Variants in CSMD1 observed in about 807,000 individuals in gnomAD.
CSMD1 encodes the protein CUB and sushi domain-containing protein 1.
In CSMD1, 213 loss-of-function variants were observed where a neutral mutation model predicts 417.5. The observed-to-expected ratio is 0.51, with a 90% CI of 0.46 to 0.57. The LOEUF (loss-of-function observed/expected upper bound fraction) is 0.57, where lower values mean the gene tolerates loss of function less well. Ranked by LOEUF, CSMD1 falls within the 20% of genes least tolerant of loss-of-function variation. The pLI, the probability that CSMD1 is intolerant of heterozygous loss-of-function variation, is 0.00. For synonymous variants in CSMD1, 2,862 were observed against 1,736.8 expected (o/e 1.65, Z -16.11); for missense variants, 6,923 against 4,529.7 (o/e 1.53, Z -15.17).
chr8:4,814,027 A>G (rs1799062036), intron 1 of CSMD1, among the ~76,000 whole-genome samples: 1 of 152,262 alleles, frequency 6.6e-6, no homozygotes, highest in African/African-American at 2.4e-5. Context: ...GCTTCATCAC[A>G]TTTAAAGGAG....
chr8:4,522,338 C>G (rs1000181932), intron 2 of CSMD1, among the ~76,000 whole-genome samples: 4 of 152,156 alleles, frequency 2.6e-5, no homozygotes, highest in Non-Finnish European at 5.9e-5. Flanking sequence ...TCTAATCAAG[C>G]CTCTTGCTTT....
chr8:4,363,479 C>T (rs755452551), intron 3 of CSMD1, among the ~76,000 whole-genome samples: 3 of 152,128 alleles, frequency 2.0e-5, no homozygotes, highest in South Asian at 4.1e-4. Context: ...ACCACCCCCT[C>T]TCTGGAGGAG....
intron 2 of CSMD1, among the ~76,000 whole-genome samples, chr8:4,630,619 C>T (rs991521445): frequency 6.6e-6 from 1 of 152,126 alleles, no homozygotes; most frequent in Non-Finnish European, 1.5e-5. Flanking sequence ...ATTTCATCAT[C>T]CTAAAATCTG....
intron 3 of CSMD1, among the ~76,000 whole-genome samples, chr8:4,335,115 T>G (rs4875094): frequency 0.066 from 10,103 of 152,150 alleles, 380 homozygotes; most frequent in Middle Eastern, 0.15. Flanking sequence ...TTGCCCAGAT[T>G]GATCTTCAAC....
intron 2 of CSMD1, among the ~76,000 whole-genome samples, chr8:4,597,286 T>C (rs1190791734): frequency 6.6e-6 from 1 of 152,136 alleles, no homozygotes; most frequent in Non-Finnish European, 1.5e-5. Flanking sequence ...GAAATAGATA[T>C]CAATGTATTA....
chr8:4,420,201 AT>A (rs1563155002), intron 2 of CSMD1, 136 bp from the exon 3 acceptor site: 2 of 539,004 alleles, frequency 3.7e-6, no homozygotes, highest in African/African-American at 1.9e-5. Flanking sequence ...TAGATAATCC[AT>A]ACACATAGCT....
At chr8:3,545,328 C>T (rs895477827) in intron 10 of CSMD1, among the ~76,000 whole-genome samples, 1 of 152,216 alleles carries the variant, frequency 6.6e-6, no homozygotes, top group Non-Finnish European at 1.5e-5. Context: ...TATAGTACTA[C>T]ATAAACTGGT....
Position 3,000,883 on chromosome 8 carries a change from A to G in CSMD1, c.8030-752T>C, listed in dbSNP as rs367615924. The stretch of plus-strand genomic sequence containing the variant: ...GGGGAGACAGAATGTCCATGTAGAT[A>G]GTAAAACAATTGACAAACATGGCAT... On this transcript the variant is annotated intron_variant, in intron 52 of 69. Transcript: ENST00000635120. Among the ~76,000 whole-genome samples the G allele has an allele frequency of 1.4e-3, 217 of 152,344 alleles. 2 individuals are homozygous for G. Among genetic ancestry groups the G allele is most frequent in the African/African-American group, 5.0e-3 (207 of 41,580 alleles).
chr8:4,117,956 A>C (rs1802255328), intron 3 of CSMD1, among the ~76,000 whole-genome samples: 1 of 151,808 alleles, frequency 6.6e-6, no homozygotes, highest in South Asian at 2.1e-4. Flanking sequence ...AATAGGAAAA[A>C]AAAAAAAAGC....
chr8:4,334,039 C>T (rs993959443), intron 3 of CSMD1, among the ~76,000 whole-genome samples: 1 of 151,980 alleles, frequency 6.6e-6, no homozygotes, highest in Non-Finnish European at 1.5e-5. Flanking sequence ...CACAGGCACC[C>T]ACCACAACAT....
chr8:3,990,956 T>A (rs1400572113), intron 5 of CSMD1, among the ~76,000 whole-genome samples: 2 of 152,292 alleles, frequency 1.3e-5, no homozygotes, highest in East Asian at 3.9e-4. Context: ...AGATGATGCT[T>A]TTCAGAAGGA....
intron 12 of CSMD1, among the ~76,000 whole-genome samples, chr8:3,460,225 A>C (rs1383040084): frequency 6.6e-6 from 1 of 152,164 alleles, no homozygotes; most frequent in African/African-American, 2.4e-5. Context: ...AGATCAGCAA[A>C]TGATCTACAT....
At chr8:4,233,789 G>C (rs1714681) in intron 3 of CSMD1, among the ~76,000 whole-genome samples, 5,157 of 152,172 alleles carry the variant, frequency 0.034, 88 homozygotes, top group Middle Eastern at 0.1. Flanking sequence ...AAGAAGTAGA[G>C]TATCTTTAGG....
chr8:3,432,072 G>C (rs984434044), intron 12 of CSMD1, among the ~76,000 whole-genome samples: 4 of 152,106 alleles, frequency 2.6e-5, no homozygotes, highest in South Asian at 2.1e-4. Flanking sequence ...CATAATAATA[G>C]GGTCTGAGGA....
intron 5 of CSMD1, among the ~76,000 whole-genome samples, chr8:3,770,281 A>G (rs769160072): frequency 1.3e-5 from 2 of 151,810 alleles, no homozygotes; most frequent in Non-Finnish European, 2.9e-5. Flanking sequence ...TAATCCCAAC[A>G]CTTTGGGAGG....
At chr8:3,217,056 A>T (rs1797923687) in intron 29 of CSMD1, among the ~76,000 whole-genome samples, 1 of 152,184 alleles carries the variant, frequency 6.6e-6, no homozygotes, top group Non-Finnish European at 1.5e-5. Flanking sequence ...CCTAGGCTGC[A>T]TGCAATGACA....
At chr8:3,242,135 G>C (rs1353051185) in intron 26 of CSMD1, among the ~76,000 whole-genome samples, 3 of 151,694 alleles carry the variant, frequency 2.0e-5, no homozygotes, top group Non-Finnish European at 2.9e-5. Flanking sequence ...TTTAGCTCCA[G>C]CCACCTTTTA....
At chr8:3,340,936 G>A (rs1187830189) in intron 23 of CSMD1, among the ~76,000 whole-genome samples, 2 of 152,256 alleles carry the variant, frequency 1.3e-5, no homozygotes, top group East Asian at 1.9e-4. Flanking sequence ...AGAGCTAAGT[G>A]CCAATCCTCT....
intron 3 of CSMD1, among the ~76,000 whole-genome samples, chr8:4,342,202 T>C (rs1800515303): frequency 9.5e-5 from 1 of 10,522 alleles, no homozygotes; most frequent in African/African-American, 3.7e-4. Flanking sequence ...AGCAGTGCTG[T>C]GTCTGTGTGT....
Sources: allele counts gnomAD v4.1 joint callset (sites outside exome capture counted in the v4.1 genomes callset), GRCh38; gene constraint gnomAD v4.1.1; transcripts MANE v1.5; gene names NCBI Gene and HGNC (gene_info 2026-07-23, HGNC 2026-07-21).